ADAMTS6: variants seen among roughly 807,000 people sequenced by gnomAD.
The protein encoded by ADAMTS6 is A disintegrin and metalloproteinase with thrombospondin motifs 6.
A neutral mutation model predicts 144.3 loss-of-function variants in ADAMTS6; 23 were observed. That is an observed-to-expected ratio of 0.16 (90% CI 0.11 to 0.23). The LOEUF (loss-of-function observed/expected upper bound fraction) is 0.23, where lower values mean the gene tolerates loss of function less well. Among genes scored for constraint, ADAMTS6 ranks in the 10% least tolerant of loss-of-function variants. ADAMTS6 has a pLI of 1.00. For synonymous variants in ADAMTS6, 444 were observed against 457.5 expected (o/e 0.97, Z 0.38); for missense variants, 999 against 1,379.6 (o/e 0.72, Z 4.37).
At chr5:65,224,022 G>T (rs189884699) in intron 18 of ADAMTS6, among the ~76,000 whole-genome samples, 1 of 151,934 alleles carries the variant, frequency 6.6e-6, no homozygotes, top group Non-Finnish European at 1.5e-5. Flanking sequence ...AGATGGTCTC[G>T]ATCTCCTGAC....
chr5:65,238,067 C>T (rs569060701), intron 15 of ADAMTS6, among the ~76,000 whole-genome samples: 4 of 150,528 alleles, frequency 2.7e-5, no homozygotes, highest in Admixed American at 2.7e-4. Flanking sequence ...GCCTTGGCAA[C>T]AGAGCAAGAC....
chr5:65,375,625 A>G (rs62370672), intron 7 of ADAMTS6, among the ~76,000 whole-genome samples: 19,493 of 151,084 alleles, frequency 0.13, 1,487 homozygotes, highest in African/African-American at 0.2. Context: ...GGGCTGAAGA[A>G]GATGTGGAGA....
intron 7 of ADAMTS6, among the ~76,000 whole-genome samples, chr5:65,425,475 C>T (rs1410021946): frequency 1.3e-5 from 2 of 152,210 alleles, no homozygotes; most frequent in East Asian, 3.9e-4. Context: ...AAATCATTCT[C>T]ATCCTACAAG....
At chr5:65,463,707 T>C (rs941044571) in intron 3 of ADAMTS6, among the ~76,000 whole-genome samples, 2 of 152,192 alleles carry the variant, frequency 1.3e-5, no homozygotes, top group Non-Finnish European at 2.9e-5. Flanking sequence ...TCCCTATTAT[T>C]TGAAACACTT....
chr5:65,445,990 A>G (rs936984152), intron 7 of ADAMTS6, among the ~76,000 whole-genome samples: 1 of 152,224 alleles, frequency 6.6e-6, no homozygotes, highest in Non-Finnish European at 1.5e-5. Context: ...GGTAAGAGAA[A>G]AATAAATGCT....
intron 20 of ADAMTS6, among the ~76,000 whole-genome samples, chr5:65,211,926 G>C (rs541279799): frequency 6.6e-6 from 1 of 152,254 alleles, no homozygotes; most frequent in Non-Finnish European, 1.5e-5. Context: ...TATTGTTCTA[G>C]GGGCAAAATG....
chr5:65,370,228 T>A (rs1231710860), intron 7 of ADAMTS6, among the ~76,000 whole-genome samples: 3 of 152,002 alleles, frequency 2.0e-5, no homozygotes, highest in Non-Finnish European at 2.9e-5. Flanking sequence ...GCCAACATGG[T>A]GAAATCCCAT....
At chr5:65,224,520 A>C (rs1757576607) in intron 17 of ADAMTS6, 120 bp from the exon 18 acceptor site, 2 of 852,018 alleles carry the variant, frequency 2.3e-6, no homozygotes, top group Non-Finnish European at 3.8e-6. Flanking sequence ...GCATTTTATG[A>C]ATTATGAAAT....
At chr5:65,345,334 T>G (rs1325265280) in intron 7 of ADAMTS6, among the ~76,000 whole-genome samples, 1 of 151,756 alleles carries the variant, frequency 6.6e-6, no homozygotes, top group Non-Finnish European at 1.5e-5. Context: ...AAAATTATTT[T>G]TGAAGTATCA....
Position 65,214,906 on chromosome 5 carries a change from T to A in ADAMTS6, c.2463A>T (p.Gly821=). The part of the protein sequence containing the change: ...VMVLLQEQNL[G]IRYKFNVPIT... ...TGGGAACATTGAACTTATACCTAAT[T>A]CCCAAATTCTGTTCTTGAAGCAGAA... Residue 821 remains glycine (G), a synonymous_variant, in exon 20 of 25, where the codon GGA becomes GGT. Transcript: ENST00000381055. This position sits in a 1 kb window ranked among gnomAD's most constrained non-coding sequence, Gnocchi z 4.6. The A allele has an allele frequency of 6.2e-7, 1 of 1,613,908 alleles. No individual in the cohort carries two copies. The highest frequency in any genetic ancestry group is 8.5e-7 in the Non-Finnish European group (1 of 1,179,928).
At position 65,188,104 on chromosome 5, in the gene ADAMTS6, C is replaced by G; in HGVS notation, c.2822G>C (p.Ser941Thr). Residue 941 changes from serine to threonine, a missense_variant, in exon 22 of 25, where the codon AGT becomes ACT. By Grantham distance (58) the Ser-to-Thr change is moderately conservative (BLOSUM62 1). Coordinates refer to ENST00000381055, the MANE Select transcript of ADAMTS6 (RefSeq NM_197941.4). ...GPSEEETLDY[S>T]GCLTHRPVEK... The stretch of plus-strand genomic sequence containing the variant: ...GACAGGCCGGTGTGTTAAACAACCA[C>G]TGTAGTCCAGCGTCTCCTCCTCAGA... 1 of 1,614,178 alleles carries G rather than the reference C, an allele frequency of 6.2e-7. No individual in the cohort carries two copies. Among genetic ancestry groups the G allele is most frequent in the Non-Finnish European group, 8.5e-7 (1 of 1,180,002 alleles).
At chr5:65,441,063 C>T (rs559384764) in intron 7 of ADAMTS6, among the ~76,000 whole-genome samples, 1 of 152,180 alleles carries the variant, frequency 6.6e-6, no homozygotes, top group East Asian at 1.9e-4. Flanking sequence ...CAATCCAAAA[C>T]TGACACATAT....
At chr5:65,206,595 G>C (rs913561369) in intron 20 of ADAMTS6, among the ~76,000 whole-genome samples, 4 of 151,634 alleles carry the variant, frequency 2.6e-5, no homozygotes, top group Middle Eastern at 6.8e-3. Flanking sequence ...AGCTACTCGG[G>C]AGTCTGAGGC....
intron 7 of ADAMTS6, among the ~76,000 whole-genome samples, chr5:65,357,696 A>C (rs947729708): frequency 1.3e-5 from 2 of 151,846 alleles, no homozygotes. Context: ...ATCCTAAAAG[A>C]TTACTATGAA....
chr5:65,371,776 C>A (rs1418362423), intron 7 of ADAMTS6, among the ~76,000 whole-genome samples: 1 of 152,100 alleles, frequency 6.6e-6, no homozygotes, highest in African/African-American at 2.4e-5. Flanking sequence ...GAAAATGCCA[C>A]AAAGATACTC....
At chr5:65,178,871 C>T (rs1754153272) in intron 22 of ADAMTS6, among the ~76,000 whole-genome samples, 1 of 152,226 alleles carries the variant, frequency 6.6e-6, no homozygotes, top group Admixed American at 6.5e-5. Context: ...TAAACCCCAC[C>T]ACCTTGCTCC....
chr5:65,275,411 GAAAGAAAAGAA>G (rs1161420887), intron 11 of ADAMTS6, among the ~76,000 whole-genome samples: 1 of 125,862 alleles, frequency 7.9e-6, no homozygotes, highest in African/African-American at 3.1e-5. Flanking sequence ...AAGAAAGAAA[GAAAGAAAAGAA>G]AGAAAGAAAG....
At chr5:65,276,148 G>T (rs1309924235) in intron 11 of ADAMTS6, among the ~76,000 whole-genome samples, 1 of 152,134 alleles carries the variant, frequency 6.6e-6, no homozygotes, top group Non-Finnish European at 1.5e-5. Context: ...AGGTGCTTAA[G>T]ATACTTTTTT....
At chr5:65,223,914 C>T (rs1180891460) in intron 18 of ADAMTS6, among the ~76,000 whole-genome samples, 1 of 151,948 alleles carries the variant, frequency 6.6e-6, no homozygotes, top group African/African-American at 2.4e-5. Flanking sequence ...ATTTTCCTGC[C>T]TCAGCCTCCC....
Sources: gnomAD v4.1 joint callset for allele counts (sites outside exome capture counted in the v4.1 genomes callset) on GRCh38, gnomAD v4.1.1 for gene constraint, Gnocchi (gnomAD v3.1) non-coding constraint, MANE v1.5 for transcripts, NCBI Gene and HGNC (gene_info 2026-07-23, HGNC 2026-07-21) for gene names.